The following CNGB1 variants were observed in gnomAD, a reference collection of about 807,000 sequenced individuals.
The protein encoded by CNGB1 is cyclic nucleotide gated channel subunit beta 1.
A neutral mutation model predicts 151.7 loss-of-function variants in CNGB1; 126 were observed. The observed-to-expected ratio is 0.83, with a 90% CI of 0.72 to 0.96. The LOEUF is 0.96. CNGB1 is among the 40% of genes least tolerant of loss of function. The pLI, the probability that CNGB1 is intolerant of heterozygous loss-of-function variation, is 0.00. For synonymous variants in CNGB1, 623 were observed against 635.1 expected (o/e 0.98, Z 0.29); for missense variants, 1,698 against 1,627.0 (o/e 1.04, Z -0.75).
chr16:57,959,363 T>C, intron 10 of CNGB1, among the ~76,000 whole-genome samples: 1 of 151,140 alleles, frequency 6.6e-6, no homozygotes, highest in Non-Finnish European at 1.5e-5. Flanking sequence ...CCTATAATCC[T>C]GGCACTTTGA....
intron 19 of CNGB1, 118 bp downstream of exon 19, chr16:57,920,269 G>T: frequency 8.8e-7 from 1 of 1,134,186 alleles, no homozygotes; most frequent in Non-Finnish European, 1.3e-6. Context: ...GGGGATCTGG[G>T]CTTCTCTCAT....
In CNGB1 at chr16:57,903,805, G is replaced by A; in HGVS notation, c.2794+17C>T. The A allele has an allele frequency of 1.2e-6, 2 of 1,613,800 alleles. No individual in the cohort carries two copies. Among genetic ancestry groups the A allele is most frequent in the Non-Finnish European group, 8.5e-7 (1 of 1,179,970 alleles). On this transcript the variant is annotated intron_variant, in intron 27 of 32. Coordinates refer to ENST00000251102, the MANE Select transcript of CNGB1 (RefSeq NM_001297.5). ...GTTGACTGGGAGCTGGTGGCTGCCA[G>A]GGCGTGACCATCTTACCCAGCATGC...
intron 18 of CNGB1, 54 bp downstream of exon 18, chr16:57,923,219 T>TCCC (rs1435209901): frequency 1.3e-5 from 12 of 923,398 alleles, no homozygotes; most frequent in East Asian, 1.0e-4. Context: ...CCCCCCCACA[T>TCCC]CCCCCACCCT....
chr16:57,912,842 T>TC, intron 24 of CNGB1, 88 bp downstream of exon 24: 4 of 1,301,532 alleles, frequency 3.1e-6, no homozygotes, highest in Non-Finnish European at 4.4e-6. Context: ...TGTGTGTGTG[T>TC]CATCTGTGTT....
intron 23 of CNGB1, among the ~76,000 whole-genome samples, chr16:57,914,751 C>T (rs555721793): frequency 2.7e-4 from 41 of 152,284 alleles, no homozygotes; most frequent in Non-Finnish European, 4.9e-4. Context: ...AGTGATGAAA[C>T]GGGTGTCTGG....
intron 31 of CNGB1, among the ~76,000 whole-genome samples, chr16:57,890,292 C>G (rs1349597517): frequency 6.6e-6 from 1 of 152,188 alleles, no homozygotes; most frequent in Non-Finnish European, 1.5e-5. Flanking sequence ...ATTTGCATTT[C>G]TAGCTGGAGA....
At chr16:57,963,502 T>C (rs1962313822) in intron 4 of CNGB1, among the ~76,000 whole-genome samples, 1 of 152,116 alleles carries the variant, frequency 6.6e-6, no homozygotes, top group Non-Finnish European at 1.5e-5. Context: ...TTGCTGCAGG[T>C]GTAATGCTGT....
intron 29 of CNGB1, among the ~76,000 whole-genome samples, chr16:57,901,065 G>C (rs1390872678): frequency 1.3e-5 from 2 of 152,060 alleles, no homozygotes; most frequent in South Asian, 4.1e-4. Flanking sequence ...GAGTTGGGGG[G>C]GGGGTCTTTG....
intron 11 of CNGB1, among the ~76,000 whole-genome samples, chr16:57,957,899 C>T (rs1344365788): frequency 6.6e-6 from 1 of 152,118 alleles, no homozygotes; most frequent in Non-Finnish European, 1.5e-5. Context: ...CCAGGTGCTT[C>T]TATAAAGACG....
intron 3 of CNGB1, 71 bp downstream of exon 3, chr16:57,964,408 CCTCGTGGG>C: frequency 6.4e-7 from 1 of 1,568,052 alleles, no homozygotes; most frequent in South Asian, 1.1e-5. Flanking sequence ...GGTCCGCCAG[CCTCGTGGG>C]CTCTGCGGCT....
chr16:57,912,572 TTGTGTG>T (rs139857300), intron 24 of CNGB1, among the ~76,000 whole-genome samples: 1 of 144,586 alleles, frequency 6.9e-6, no homozygotes, highest in South Asian at 2.1e-4. Context: ...ACTTCCTGTG[TTGTGTG>T]TGTGTGTGTG....
intron 14 of CNGB1, among the ~76,000 whole-genome samples, chr16:57,944,164 A>T (rs1207164041): frequency 6.6e-6 from 1 of 152,208 alleles, no homozygotes; most frequent in African/African-American, 2.4e-5. Context: ...CTATCAACAG[A>T]TGAGTGGATC....
intron 23 of CNGB1, 51 bp downstream of exon 23, chr16:57,915,198 G>T: frequency 1.4e-6 from 2 of 1,459,558 alleles, no homozygotes; most frequent in Non-Finnish European, 1.9e-6. Context: ...CAGTGTCGGT[G>T]CAGAGCAGGG....
At chr16:57,951,442 C>T (rs1333452445) in intron 12 of CNGB1, among the ~76,000 whole-genome samples, 1 of 152,210 alleles carries the variant, frequency 6.6e-6, no homozygotes, top group Non-Finnish European at 1.5e-5. Context: ...GCCTCGACCT[C>T]CTGGGCTTAA....
chr16:57,905,400 C>T (rs114162461), intron 25 of CNGB1, among the ~76,000 whole-genome samples: 3,614 of 152,320 alleles, frequency 0.024, 127 homozygotes, highest in African/African-American at 0.08. Flanking sequence ...AGGGCACACC[C>T]GTGGTCACTA....
intron 25 of CNGB1, among the ~76,000 whole-genome samples, chr16:57,908,322 AC>A (rs2149360551): frequency 6.6e-6 from 1 of 152,348 alleles, no homozygotes; most frequent in South Asian, 2.1e-4. Flanking sequence ...TAACCACTCT[AC>A]AAAGCCGCCA....
At chr16:57,932,570 T>TTTTG (rs1961385869) in intron 16 of CNGB1, among the ~76,000 whole-genome samples, 1 of 150,702 alleles carries the variant, frequency 6.6e-6, no homozygotes. Flanking sequence ...GCCCGGCTAG[T>TTTTG]TTTTGTTTTG....
intron 14 of CNGB1, among the ~76,000 whole-genome samples, chr16:57,942,662 C>T (rs1296349154): frequency 2.0e-5 from 3 of 151,736 alleles, no homozygotes; most frequent in South Asian, 4.2e-4. Context: ...TGCAGGAGTT[C>T]GAGACCAGCC....
chr16:57,904,682 GA>G lies in CNGB1; in HGVS notation c.2634+51del, dbSNP rs1224861729. ...AGGGTGACATTTCTGGCAACAGTGG[GA>G]GGGGGCCCTGCAGTCAGGTGGGGTG... On this transcript the variant is annotated intron_variant, in intron 26 of 32. Coordinates refer to ENST00000251102, the MANE Select transcript of CNGB1 (RefSeq NM_001297.5). The G allele has an allele frequency of 4.3e-5, 69 of 1,612,390 alleles. No individual in the cohort carries two copies. The African/African-American group carries it at 8.4e-4, about 20-fold the overall frequency.
Sources: gnomAD v4.1 joint callset for allele counts (sites outside exome capture counted in the v4.1 genomes callset) on GRCh38, gnomAD v4.1.1 for gene constraint, MANE v1.5 for transcripts, NCBI Gene and HGNC (gene_info 2026-07-23, HGNC 2026-07-21) for gene names.